The following NRXN1 variants were observed in gnomAD, a reference collection of about 807,000 sequenced individuals.
The protein encoded by NRXN1 is neurexin 1, also known as neurexin-1.
Under a neutral mutation model 150.9 loss-of-function variants are expected in NRXN1, and 39 were observed. That is an observed-to-expected ratio of 0.26 (90% CI 0.20 to 0.34). The LOEUF (loss-of-function observed/expected upper bound fraction) is 0.34. Among genes scored for constraint, NRXN1 ranks in the 10% least tolerant of loss-of-function variants. NRXN1 has a pLI of 1.00. For missense variants in NRXN1, 1,815 were observed against 1,949.9 expected, an observed-to-expected ratio of 0.93 and a Z score of 1.30; for synonymous variants, 924 against 757.0, an observed-to-expected ratio of 1.22 and a Z score of -3.62.
chr2:50,216,944 T>A lies in NRXN1; in HGVS notation c.3546+19845A>T, dbSNP rs142735853. On this transcript the variant is annotated intron_variant, in intron 18 of 22. Coordinates refer to ENST00000401669, the MANE Select transcript of NRXN1 (RefSeq NM_001330078.2). ...TTAGAAAGTGAAAAAATATCTGTGA[T>A]AGAACCTATTTAATGTTTTGTCAGC... Among the ~76,000 whole-genome samples, 509 of 152,230 alleles carry A rather than the reference T, an allele frequency of 3.3e-3. 1 individual carries two copies. Among genetic ancestry groups the A allele is most frequent in the Admixed American group, 6.3e-3 (96 of 15,268 alleles).
At chr2:50,617,885 G>A (rs1387479723) in intron 8 of NRXN1, among the ~76,000 whole-genome samples, 1 of 152,098 alleles carries the variant, frequency 6.6e-6, no homozygotes, top group African/African-American at 2.4e-5. Context: ...TTAGATTAAG[G>A]CAATTAACTA....
chr2:50,873,438 T>C (rs896839932), intron 5 of NRXN1, among the ~76,000 whole-genome samples: 39 of 151,982 alleles, frequency 2.6e-4, no homozygotes, highest in African/African-American at 8.9e-4. Flanking sequence ...AATATAATAA[T>C]AGCATTTCTA....
intron 18 of NRXN1, among the ~76,000 whole-genome samples, chr2:50,192,696 T>A (rs1332368168): frequency 6.6e-6 from 1 of 152,110 alleles, no homozygotes; most frequent in African/African-American, 2.4e-5. Flanking sequence ...AACCTCCTCC[T>A]CCCAGGTTCA....
intron 17 of NRXN1, among the ~76,000 whole-genome samples, chr2:50,385,252 T>G (rs1335699179): frequency 6.6e-6 from 1 of 152,114 alleles, no homozygotes; most frequent in Admixed American, 6.6e-5. Flanking sequence ...AATGCATGAG[T>G]GAAGGAATGT....
intron 2 of NRXN1, among the ~76,000 whole-genome samples, chr2:50,940,473 C>CAAAAAA (rs748999405): frequency 1.3e-5 from 1 of 75,112 alleles, no homozygotes. Flanking sequence ...GACTCCATCT[C>CAAAAAA]AAAAAAAAAA....
At chr2:50,361,874 A>G (rs558537200) in intron 17 of NRXN1, among the ~76,000 whole-genome samples, 1 of 152,316 alleles carries the variant, frequency 6.6e-6, no homozygotes, top group African/African-American at 2.4e-5. Context: ...AACTGAATCC[A>G]GCAGCACATC....
At chr2:50,062,486 A>T (rs1694692444) in intron 19 of NRXN1, among the ~76,000 whole-genome samples, 1 of 152,188 alleles carries the variant, frequency 6.6e-6, no homozygotes, top group Admixed American at 6.5e-5. Context: ...ATATTTTATT[A>T]TCATTGCCCA....
At chr2:51,007,976 G>A (rs911293486) in intron 2 of NRXN1, among the ~76,000 whole-genome samples, 1 of 151,734 alleles carries the variant, frequency 6.6e-6, no homozygotes, top group African/African-American at 2.4e-5. Context: ...ATAAATAAAC[G>A]AGAAGCACAC....
intron 17 of NRXN1, among the ~76,000 whole-genome samples, chr2:50,411,129 T>C (rs900759150): frequency 1.3e-5 from 2 of 149,094 alleles, no homozygotes; most frequent in East Asian, 4.4e-4. Context: ...CCTCCCTGCC[T>C]GATTCTCCTG....
At chr2:50,530,649 G>C (rs2093075097) in intron 11 of NRXN1, among the ~76,000 whole-genome samples, 1 of 152,068 alleles carries the variant, frequency 6.6e-6, no homozygotes, top group African/African-American at 2.4e-5. Flanking sequence ...GTTTGCTAAG[G>C]GCCGCAGACT....
intron 5 of NRXN1, among the ~76,000 whole-genome samples, chr2:50,680,860 G>C (rs1445262098): frequency 6.6e-6 from 1 of 152,026 alleles, no homozygotes; most frequent in Non-Finnish European, 1.5e-5. Flanking sequence ...AGCATTTACA[G>C]TAAAATGACA....
intron 21 of NRXN1, among the ~76,000 whole-genome samples, chr2:50,038,063 G>A (rs1198456962): frequency 6.6e-6 from 1 of 152,086 alleles, no homozygotes; most frequent in Non-Finnish European, 1.5e-5. Context: ...AGCAGAAAAA[G>A]GAACAGCTTA....
At chr2:50,197,714 A>T (rs1005419806) in intron 18 of NRXN1, among the ~76,000 whole-genome samples, 2 of 152,116 alleles carry the variant, frequency 1.3e-5, no homozygotes, top group African/African-American at 4.8e-5. Flanking sequence ...TTCAGTACAG[A>T]TATCAATTTA....
chr2:49,968,828 T>G (rs1169346482), intron 21 of NRXN1, among the ~76,000 whole-genome samples: 1 of 152,064 alleles, frequency 6.6e-6, no homozygotes, highest in Non-Finnish European at 1.5e-5. Context: ...AGTTAGGCCT[T>G]CAGTGCTCCT....
At chr2:50,869,942 T>C (rs1677514590) in intron 5 of NRXN1, among the ~76,000 whole-genome samples, 1 of 151,916 alleles carries the variant, frequency 6.6e-6, no homozygotes, top group Admixed American at 6.6e-5. Context: ...CTAAATACCA[T>C]GACAAGTTTG....
At chr2:50,066,700 T>G (rs754207419) in intron 19 of NRXN1, among the ~76,000 whole-genome samples, 2 of 151,932 alleles carry the variant, frequency 1.3e-5, no homozygotes, top group African/African-American at 4.8e-5. Context: ...TCACGAACCA[T>G]GAAAAAAAAG....
chr2:50,861,752 T>C (rs545962394), intron 5 of NRXN1, among the ~76,000 whole-genome samples: 40 of 152,228 alleles, frequency 2.6e-4, no homozygotes, highest in African/African-American at 9.4e-4. Context: ...TGGTTCATCT[T>C]GAGCTGATAT....
At chr2:50,649,562 CTTA>C (rs1685306780) in intron 5 of NRXN1, among the ~76,000 whole-genome samples, 1 of 151,892 alleles carries the variant, frequency 6.6e-6, no homozygotes, top group Non-Finnish European at 1.5e-5. Flanking sequence ...GGTTTTGCTT[CTTA>C]TTGTCTGTTA....
intron 21 of NRXN1, among the ~76,000 whole-genome samples, chr2:50,009,901 G>A (rs1018200833): frequency 2.6e-5 from 4 of 151,974 alleles, no homozygotes; most frequent in East Asian, 3.9e-4. Context: ...TTTTATTCTT[G>A]AAATCACTGT....
Sources: gnomAD v4.1 joint callset for allele counts (sites outside exome capture counted in the v4.1 genomes callset) on GRCh38, gnomAD v4.1.1 for gene constraint, MANE v1.5 for transcripts, NCBI Gene and HGNC (gene_info 2026-07-23, HGNC 2026-07-21) for gene names.